Variants in FAT4 observed in about 807,000 individuals in gnomAD.
FAT4 encodes the protein protocadherin Fat 4.
A neutral mutation model predicts 303.9 loss-of-function variants in FAT4; 84 were observed. The observed-to-expected ratio is 0.28, with a 90% CI of 0.23 to 0.33. FAT4 has a LOEUF of 0.33. FAT4 is among the 10% of genes least tolerant of loss of function. The pLI is 1.00. For missense variants in FAT4, 6,005 were observed against 6,146.8 expected (o/e 0.98, Z 0.77); for synonymous variants, 2,307 against 2,298.8 (o/e 1.00, Z -0.10).
chr4:125,320,506 T>A lies in FAT4; in HGVS notation c.4095T>A (p.Ile1365=). 1 of 1,614,084 alleles carries A rather than the reference T, an allele frequency of 6.2e-7. No individual in the cohort carries two copies. Among genetic ancestry groups the A allele is most frequent in the East Asian group, 2.2e-5 (1 of 44,876 alleles). Residue 1365 remains isoleucine, a synonymous_variant, in exon 2 of 18, where the codon ATT becomes ATA. Coordinates refer to ENST00000394329, the MANE Select transcript of FAT4 (RefSeq NM_001291303.3). ...TGTNNHGTFS[I]SPNTGSIFLA... ...CTAACAACCACGGAACTTTTAGCAT[T>A]AGCCCAAACACTGGGAGTATTTTTC... is the stretch of plus-strand genomic sequence containing the variant.
At chr4:125,324,165 G>A (rs1309406048) in intron 2 of FAT4, among the ~76,000 whole-genome samples, 2 of 152,106 alleles carry the variant, frequency 1.3e-5, no homozygotes, top group Non-Finnish European at 2.9e-5. Flanking sequence ...GTCTCTTTAT[G>A]TTCTCAGAAG....
chr4:125,397,309 C>T (rs1207146008), intron 2 of FAT4, among the ~76,000 whole-genome samples: 5 of 151,986 alleles, frequency 3.3e-5, no homozygotes, highest in South Asian at 2.1e-4. Flanking sequence ...ATTAAGTGCC[C>T]GAGTTCATCT....
rs200276252 is a variant in FAT4 at position 125,414,887 on chromosome 4, T to C, written c.5924T>C (p.Ile1975Thr). The C allele has an allele frequency of 2.9e-4, 456 of 1,576,892 alleles. 5 individuals carry two copies. In the South Asian group the frequency reaches 4.5e-3, roughly 16 times the overall value. ...VFNVTDADDG[I>T]NSQLTYSIAS... Reference sequence around the variant, plus strand: ...TTTTTCTTCCCTTTAATTTCAGGCATCAACTCTCAATTGACTTATAGCATT... The same window carrying C: ...TTTTTCTTCCCTTTAATTTCAGGCACCAACTCTCAATTGACTTATAGCATT... Residue 1975 changes from isoleucine (I) to threonine (T), a missense_variant, in exon 6 of 18, where the codon ATC becomes ACC. By Grantham distance (89) the Ile-to-Thr change is moderately conservative (BLOSUM62 -1). Coordinates refer to ENST00000394329, the MANE Select transcript of FAT4 (RefSeq NM_001291303.3).
intron 2 of FAT4, among the ~76,000 whole-genome samples, chr4:125,367,383 G>A (rs895619713): frequency 7.2e-5 from 11 of 152,052 alleles, no homozygotes; most frequent in African/African-American, 2.7e-4. Context: ...GAACACAAAG[G>A]TTATAGAGGG....
chr4:125,439,919 A>G (rs1344252233), intron 8 of FAT4, among the ~76,000 whole-genome samples: 1 of 152,208 alleles, frequency 6.6e-6, no homozygotes, highest in Non-Finnish European at 1.5e-5. Flanking sequence ...AATGAACATA[A>G]AAATTTATAC....
intron 4 of FAT4, among the ~76,000 whole-genome samples, chr4:125,407,792 T>A (rs950361254): frequency 1.3e-5 from 2 of 152,144 alleles, no homozygotes; most frequent in Non-Finnish European, 2.9e-5. Context: ...CTGGTGTGTG[T>A]GTGTATGCTT....
rs778792606 is a variant in FAT4 at position 125,448,818 on chromosome 4, A to G, written c.7808A>G (p.Tyr2603Cys). ...GSSLRGEPMS[Y>C]YIASGNLGNT... ...TCTTTAAGAGGAGAACCTATGTCAT[A>G]TTATATCGCAAGTGGGAATCTTGGC... Residue 2603 changes from tyrosine to cysteine, a missense_variant, in exon 10 of 18, where the codon TAT becomes TGT. Coordinates refer to ENST00000394329, the MANE Select transcript of FAT4 (RefSeq NM_001291303.3). 6.2e-7 allele frequency: 1 copy of G among 1,609,116 alleles called. No homozygotes were observed. The highest frequency in any genetic ancestry group is 1.1e-5 in the South Asian group (1 of 91,068).
chr4:125,402,968 T>A (rs1370257628), intron 3 of FAT4, among the ~76,000 whole-genome samples: 1 of 152,040 alleles, frequency 6.6e-6, no homozygotes, highest in Non-Finnish European at 1.5e-5. Context: ...TAATAACATA[T>A]AATAGGAAAT....
intron 2 of FAT4, among the ~76,000 whole-genome samples, chr4:125,323,336 T>C (rs1731028435): frequency 6.6e-6 from 1 of 152,182 alleles, no homozygotes; most frequent in African/African-American, 2.4e-5. Context: ...AAGTATTAAA[T>C]AGTGCTGCCT....
In FAT4 at chr4:125,317,706, C is replaced by G. The variant is rs1179844889; in HGVS notation, c.1295C>G (p.Pro432Arg). ...AGCGCCTTGGACCGCGAGCGCATCC[C>G]TTCCTACAACCTCACAGTTTCCGTC... is the stretch of plus-strand genomic sequence containing the variant. Reference protein sequence around the residue: ...VASALDRERIPSYNLTVSVSD... With the variant: ...VASALDRERIRSYNLTVSVSD... Residue 432 changes from proline (P) to arginine (R), a missense_variant, in exon 2 of 18, where the codon CCT becomes CGT. Coordinates refer to ENST00000394329, the MANE Select transcript of FAT4 (RefSeq NM_001291303.3). The surrounding 1 kb of genome is among the most constrained non-coding windows in gnomAD (Gnocchi z 7.0). 2 of 1,613,980 alleles carry G rather than the reference C, an allele frequency of 1.2e-6. No homozygotes were observed. The highest frequency in any genetic ancestry group is 2.7e-5 in the African/African-American group (2 of 74,954).
intron 2 of FAT4, among the ~76,000 whole-genome samples, chr4:125,363,142 A>C (rs935639200): frequency 6.6e-6 from 1 of 152,142 alleles, no homozygotes. Context: ...ATACAAGGCA[A>C]ACTATGTACA....
At chr4:125,410,742 T>G (rs1578612235) in intron 5 of FAT4, among the ~76,000 whole-genome samples, 1 of 152,100 alleles carries the variant, frequency 6.6e-6, no homozygotes, top group East Asian at 1.9e-4. Flanking sequence ...AAGAAAAGAA[T>G]TTTGTTTGTC....
chr4:125,340,607 C>T (rs1039760785), intron 2 of FAT4, among the ~76,000 whole-genome samples: 1 of 152,088 alleles, frequency 6.6e-6, no homozygotes, highest in African/African-American at 2.4e-5. Flanking sequence ...AGGATGGTCT[C>T]GATCTCTTTT....
At chr4:125,440,880 C>T (rs939355642) in intron 8 of FAT4, among the ~76,000 whole-genome samples, 2 of 151,900 alleles carry the variant, frequency 1.3e-5, no homozygotes, top group Non-Finnish European at 2.9e-5. Context: ...TGTTTTTTAC[C>T]ACACCTTGCA....
At chr4:125,350,670 G>A (rs1171394644) in intron 2 of FAT4, among the ~76,000 whole-genome samples, 2 of 151,670 alleles carry the variant, frequency 1.3e-5, no homozygotes, top group African/African-American at 4.8e-5. Flanking sequence ...CCTCCAGGAA[G>A]GCTTGGATCC....
Position 125,320,051 on chromosome 4 carries a change from T to A in FAT4, c.3640T>A (p.Phe1214Ile). The stretch of plus-strand genomic sequence containing the variant: ...TAATGCTCCCAAATTTTTAAAAGAC[T>A]TTTACCAAGCTACAATATCAGAATC... Reference protein sequence around the residue: ...NDNAPKFLKDFYQATISESAA... With the variant: ...NDNAPKFLKDIYQATISESAA... Residue 1214 changes from phenylalanine (F) to isoleucine (I), a missense_variant, in exon 2 of 18, where the codon TTT (phenylalanine) becomes ATT (isoleucine). Phe to Ile is a conservative substitution (Grantham distance 21). Transcript: ENST00000394329. 6.2e-7 allele frequency: 1 copy of A among 1,613,844 alleles called. No individual in the cohort carries two copies. Among genetic ancestry groups the A allele is most frequent in the Non-Finnish European group, 8.5e-7 (1 of 1,180,012 alleles).
intron 3 of FAT4, among the ~76,000 whole-genome samples, chr4:125,402,012 A>G (rs1442842976): frequency 6.6e-6 from 1 of 151,884 alleles, no homozygotes; most frequent in Admixed American, 6.6e-5. Context: ...TAGTAAATAG[A>G]CTTTTCAAAA....
intron 8 of FAT4, among the ~76,000 whole-genome samples, chr4:125,444,171 T>C (rs1037006455): frequency 6.6e-6 from 1 of 152,194 alleles, no homozygotes; most frequent in Non-Finnish European, 1.5e-5. Flanking sequence ...TGTTTTGTGC[T>C]GCTATAGCTA....
chr4:125,449,935 A>G lies in FAT4; in HGVS notation c.8925A>G (p.Ile2975Met). 6.2e-7 allele frequency: 1 copy of G among 1,613,910 alleles called. No individual in the cohort carries two copies. Among genetic ancestry groups the G allele is most frequent in the Non-Finnish European group, 8.5e-7 (1 of 1,179,926 alleles). The stretch of plus-strand genomic sequence containing the variant: ...GTGAGACAACAGTTACCATCAATAT[A>G]GTGGACAGTAATGACAATGCACCTC... ...LISETTVTIN[I>M]VDSNDNAPQF... is the part of the protein sequence containing the mutation. The change falls in exon 10 of 18, where the codon ATA (isoleucine) becomes ATG (methionine). Residue 2975 changes from isoleucine (I) to methionine (M), a missense_variant. Physicochemically the swap from Ile to Met is conservative, Grantham distance 10 (BLOSUM62 1). Transcript: ENST00000394329.
Sources: gnomAD v4.1 joint callset for allele counts (sites outside exome capture counted in the v4.1 genomes callset) on GRCh38, gnomAD v4.1.1 for gene constraint, Gnocchi (gnomAD v3.1) non-coding constraint, MANE v1.5 for transcripts, NCBI Gene and HGNC (gene_info 2026-07-23, HGNC 2026-07-21) for gene names.